ADARB2: variants seen among roughly 807,000 people sequenced by gnomAD.
ADARB2 encodes inactive double-stranded RNA-specific editase B2.
In ADARB2, 25 loss-of-function variants were observed where a neutral mutation model predicts 62.2. That is an observed-to-expected ratio of 0.40 (90% CI 0.29 to 0.56). ADARB2 has a LOEUF of 0.56. ADARB2 is among the 20% of genes least tolerant of loss of function. The probability of loss-of-function intolerance (pLI) is 0.43; values close to 1 mark genes in which losing one functional copy is unlikely to be tolerated. For synonymous variants in ADARB2, 572 were observed against 500.8 expected (o/e 1.14, Z -1.90); for missense variants, 1,071 against 1,077.4 (o/e 0.99, Z 0.08).
chr10:1,183,592 A>G (rs939949573), intron 9 of ADARB2, among the ~76,000 whole-genome samples: 1 of 152,230 alleles, frequency 6.6e-6, no homozygotes, highest in Admixed American at 6.5e-5. Flanking sequence ...GAATGAGCGG[A>G]TAAACTTGAC....
intron 1 of ADARB2, among the ~76,000 whole-genome samples, chr10:1,432,144 T>C (rs1241445869): frequency 6.6e-6 from 1 of 152,172 alleles, no homozygotes; most frequent in Admixed American, 6.5e-5. Flanking sequence ...GTTACTTATT[T>C]TATGTCTCCA....
intron 1 of ADARB2, among the ~76,000 whole-genome samples, chr10:1,662,759 G>C (rs999009478): frequency 6.6e-6 from 1 of 152,148 alleles, no homozygotes; most frequent in Non-Finnish European, 1.5e-5. Context: ...CATCATTTCC[G>C]CTCCTGCTGT....
chr10:1,635,408 G>C (rs1376704365), intron 1 of ADARB2, among the ~76,000 whole-genome samples: 1 of 152,214 alleles, frequency 6.6e-6, no homozygotes. Context: ...CTTCATCTAA[G>C]ACGGTATGAG....
chr10:1,334,575 C>T (rs1204353461), intron 3 of ADARB2, among the ~76,000 whole-genome samples: 1 of 152,214 alleles, frequency 6.6e-6, no homozygotes, highest in Admixed American at 6.5e-5. Context: ...TGGCTACTCA[C>T]ATGTAGGTTC....
chr10:1,423,228 C>T (rs1265685738), intron 1 of ADARB2, among the ~76,000 whole-genome samples: 1 of 152,232 alleles, frequency 6.6e-6, no homozygotes, highest in Non-Finnish European at 1.5e-5. Context: ...CTTGTCCCAG[C>T]TTCACGCCAT....
chr10:1,725,801 C>T (rs1427403554), intron 1 of ADARB2, among the ~76,000 whole-genome samples: 2 of 152,214 alleles, frequency 1.3e-5, no homozygotes, highest in Non-Finnish European at 2.9e-5. Flanking sequence ...TGAAGCTATC[C>T]TGGGAAACAC....
chr10:1,704,588 C>T lies in ADARB2; in HGVS notation c.100+32463G>A, dbSNP rs1834863726. ...ACTAACCTCCTGCTGTGCAGCCCAG[C>T]TCCTAACAGGTCCTGGACCAGTACC... is the stretch of plus-strand genomic sequence containing the variant. On this transcript the variant is annotated intron_variant, in intron 1 of 9. Transcript: ENST00000381312. The surrounding 1 kb of genome is among the most constrained non-coding windows in gnomAD (Gnocchi z 5.6). 6.6e-6 allele frequency among the ~76,000 whole-genome samples: 1 copy of T among 152,204 alleles called. No homozygotes were observed. Among genetic ancestry groups the T allele is most frequent in the African/African-American group, 2.4e-5 (1 of 41,432 alleles).
intron 1 of ADARB2, among the ~76,000 whole-genome samples, chr10:1,656,876 C>T (rs865797204): frequency 5.9e-5 from 9 of 151,686 alleles, no homozygotes; most frequent in African/African-American, 1.7e-4. Flanking sequence ...TTTTTCCATG[C>T]CATGAAGTAG....
At position 1,475,062 on chromosome 10, in the gene ADARB2, C is replaced by G. The variant is rs540657071; in HGVS notation, c.101-95902G>C. 7.2e-5 allele frequency among the ~76,000 whole-genome samples: 11 copies of G among 152,230 alleles called. No individual in the cohort carries two copies. The South Asian group carries it at 1.7e-3, about 23-fold the overall frequency. On this transcript the variant is annotated intron_variant, in intron 1 of 9. Coordinates refer to ENST00000381312, the MANE Select transcript of ADARB2 (RefSeq NM_018702.4). ...CCCACGGGCCGCTGCTACAGAGCAG[C>G]GGGTGCCAGCAGGTCAGGCGCTCAG...
chr10:1,516,413 C>T (rs1832009854), intron 1 of ADARB2, among the ~76,000 whole-genome samples: 2 of 152,138 alleles, frequency 1.3e-5, no homozygotes, highest in African/African-American at 2.4e-5. Flanking sequence ...TTGTGACCAG[C>T]GTGCATTCTC....
intron 1 of ADARB2, among the ~76,000 whole-genome samples, chr10:1,600,486 G>A (rs1054555869): frequency 4.6e-5 from 7 of 151,816 alleles, no homozygotes; most frequent in Non-Finnish European, 1.0e-4. Context: ...CATGGCGAAA[G>A]CCCCGTCTCT....
chr10:1,719,703 C>A (rs1835064626), intron 1 of ADARB2, among the ~76,000 whole-genome samples: 1 of 152,144 alleles, frequency 6.6e-6, no homozygotes, highest in African/African-American at 2.4e-5. Context: ...AAGCAAAAAA[C>A]AAACAACCCT....
chr10:1,573,469 G>T (rs1588307785), intron 1 of ADARB2, among the ~76,000 whole-genome samples: 1 of 152,160 alleles, frequency 6.6e-6, no homozygotes, highest in African/African-American at 2.4e-5. Context: ...GAAAGTAAAG[G>T]TGCCATCAGC....
At chr10:1,515,050 G>A (rs1038139176) in intron 1 of ADARB2, among the ~76,000 whole-genome samples, 1 of 152,184 alleles carries the variant, frequency 6.6e-6, no homozygotes. Flanking sequence ...AGCTGAAAAC[G>A]AAATCTACTG....
At chr10:1,528,303 C>T (rs1254692455) in intron 1 of ADARB2, among the ~76,000 whole-genome samples, 1 of 152,214 alleles carries the variant, frequency 6.6e-6, no homozygotes, top group Non-Finnish European at 1.5e-5. Flanking sequence ...AATACTGTTC[C>T]TCCATTTCTG....
chr10:1,588,509 T>C (rs919342704), intron 1 of ADARB2, among the ~76,000 whole-genome samples: 1 of 152,188 alleles, frequency 6.6e-6, no homozygotes, highest in Non-Finnish European at 1.5e-5. Context: ...ACGGTGCTGC[T>C]GTTGGGAGGA....
At chr10:1,735,374 A>C (rs1835288186) in intron 1 of ADARB2, among the ~76,000 whole-genome samples, 1 of 152,228 alleles carries the variant, frequency 6.6e-6, no homozygotes, top group Non-Finnish European at 1.5e-5. Context: ...GCTTCCTGGC[A>C]AGGCAAGTGA....
intron 4 of ADARB2, among the ~76,000 whole-genome samples, chr10:1,243,237 G>T (rs1830944623): frequency 6.6e-6 from 1 of 152,264 alleles, no homozygotes; most frequent in South Asian, 2.1e-4. Flanking sequence ...ACAGCCACTG[G>T]CTGGGCCCGG....
intron 1 of ADARB2, among the ~76,000 whole-genome samples, chr10:1,635,782 T>C (rs1320698400): frequency 1.3e-5 from 2 of 152,206 alleles, no homozygotes; most frequent in Non-Finnish European, 2.9e-5. Flanking sequence ...TTCACTCATT[T>C]CGTTCCTTGC....
Sources: gnomAD v4.1 joint callset for allele counts (sites outside exome capture counted in the v4.1 genomes callset) on GRCh38, gnomAD v4.1.1 for gene constraint, Gnocchi (gnomAD v3.1) non-coding constraint, MANE v1.5 for transcripts, NCBI Gene and HGNC (gene_info 2026-07-23, HGNC 2026-07-21) for gene names.